The following CCNB1 variants were observed in gnomAD, a reference collection of about 807,000 sequenced individuals.
CCNB1 encodes cyclin B1.
A neutral mutation model predicts 44.4 loss-of-function variants in CCNB1; 26 were observed. The ratio of observed to expected loss-of-function variants is 0.59; its 90% confidence interval spans 0.43 to 0.81. The LOEUF is 0.81. CCNB1 is among the 40% of genes least tolerant of loss of function. The pLI is 0.00. For synonymous variants in CCNB1, 195 were observed against 181.4 expected, an observed-to-expected ratio of 1.08 and a Z score of -0.60; for missense variants, 477 against 520.9, an observed-to-expected ratio of 0.92 and a Z score of 0.82.
Position 69,168,067 on chromosome 5 carries a change from C to T in CCNB1, c.181C>T (p.Pro61Ser), listed in dbSNP as rs776004787. ...KVSEQLQAKM[P>S]MKKEAKPSAT... ...CAGTGAACAACTGCAGGCCAAAATG[C>T]CTATGAAGAAGGTAACTCTCTTCCT... The change falls in exon 2 of 9, where the codon CCT becomes TCT. Residue 61 changes from proline (P) to serine (S), a missense_variant. Physicochemically the swap from Pro to Ser is moderately conservative, Grantham distance 74. Transcript: ENST00000256442. 6.2e-7 allele frequency: 1 copy of T among 1,613,428 alleles called. No individual in the cohort carries two copies.
intron 3 of CCNB1, among the ~76,000 whole-genome samples, chr5:69,168,690 G>A (rs1268428395): frequency 1.3e-5 from 2 of 152,194 alleles, no homozygotes; most frequent in South Asian, 2.1e-4. Flanking sequence ...ATATTAAGTA[G>A]TAGCTGTCTG....
chr5:69,169,075 G>GA, intron 3 of CCNB1, among the ~76,000 whole-genome samples: 1 of 151,982 alleles, frequency 6.6e-6, no homozygotes, highest in Admixed American at 6.6e-5. Flanking sequence ...AAAATTATCT[G>GA]AAAAAAACTT....
chr5:69,174,219 T>G (rs559326652), intron 4 of CCNB1, 32 bp from the exon 5 acceptor site: 1 of 1,608,504 alleles, frequency 6.2e-7, no homozygotes, highest in African/African-American at 1.3e-5. Context: ...TGGAGTCATG[T>G]TTCTAAGAAT....
chr5:69,177,381 G>T, intron 8 of CCNB1, 32 bp downstream of exon 8: 1 of 1,444,126 alleles, frequency 6.9e-7, no homozygotes, highest in South Asian at 1.2e-5. Flanking sequence ...GTAAGATGCT[G>T]AAAAGTGTAA....
chr5:69,176,005 A>ATATC (rs1248880083), intron 7 of CCNB1, among the ~76,000 whole-genome samples: 1 of 144,136 alleles, frequency 6.9e-6, no homozygotes, highest in Non-Finnish European at 1.5e-5. Flanking sequence ...ATATATATAT[A>ATATC]TATATATATA....
At chr5:69,170,950 CTT>C (rs1419853525) in intron 3 of CCNB1, among the ~76,000 whole-genome samples, 1 of 151,940 alleles carries the variant, frequency 6.6e-6, no homozygotes, top group Non-Finnish European at 1.5e-5. Flanking sequence ...TAAATGATCA[CTT>C]TTTTCTTTTT....
At chr5:69,167,794 C>A (rs1747368144) in intron 1 of CCNB1, 114 bp from the exon 2 acceptor site, 1 of 931,202 alleles carries the variant, frequency 1.1e-6, no homozygotes, top group East Asian at 2.5e-5. Context: ...CCCTCGGAAC[C>A]CATTTTTAGT....
Position 69,174,389 on chromosome 5 carries a change from A to G in CCNB1, c.685A>G (p.Ile229Val), listed in dbSNP as rs752928220. 1.2e-6 allele frequency: 2 copies of G among 1,614,120 alleles called. No individual in the cohort carries two copies. Among genetic ancestry groups the G allele is most frequent in the Non-Finnish European group, 8.5e-7 (1 of 1,179,988 alleles). ...LQETMYMTVS[I>V]IDRFMQNNCV... ...GGAGACCATGTACATGACTGTCTCC[A>G]TTATTGATCGGTTCATGCAGGTGAG... The change falls in exon 5 of 9, where the codon ATT becomes GTT. Residue 229 changes from isoleucine (I) to valine (V), a missense_variant. Ile to Val is a conservative substitution (Grantham distance 29). Transcript: ENST00000256442.
chr5:69,175,607 A>G, intron 7 of CCNB1, 70 bp downstream of exon 7: 1 of 1,434,316 alleles, frequency 7.0e-7, no homozygotes, highest in Non-Finnish European at 9.6e-7. Context: ...AACTTTTGTT[A>G]TTAAAAGGCA....
intron 4 of CCNB1, among the ~76,000 whole-genome samples, chr5:69,172,778 T>C (rs1220409846): frequency 6.8e-6 from 1 of 146,328 alleles, no homozygotes; most frequent in Non-Finnish European, 1.5e-5. Flanking sequence ...TCTTTTTTTT[T>C]TTTTTTTTTT....
chr5:69,176,330 TCTC>T lies in CCNB1; in HGVS notation c.1083+796_1083+798del, dbSNP rs536310990. On this transcript the variant is annotated intron_variant, in intron 7 of 8. Coordinates refer to ENST00000256442, the MANE Select transcript of CCNB1 (RefSeq NM_031966.4). ...CATATTCATTGATTCAACAAATGCT[TCTC>T]CTATGTGACAGGCACTACCCTAGGT... Among the ~76,000 whole-genome samples the T allele has an allele frequency of 1.4e-3, 210 of 151,784 alleles. 1 individual carries two copies. The highest frequency in any genetic ancestry group is 5.0e-3 in the African/African-American group (207 of 41,504).
rs1184840145 is a variant in CCNB1, at chr5:69,167,995, C to G, written c.109C>G (p.Pro37Ala). The G allele has an allele frequency of 1.2e-6, 2 of 1,614,204 alleles. No homozygotes were observed. Among genetic ancestry groups the G allele is most frequent in the Admixed American group, 3.3e-5 (2 of 60,018 alleles). The change falls in exon 2 of 9, where the codon CCC (proline) becomes GCC (alanine). Residue 37 changes from proline (P) to alanine (A), a missense_variant. Transcript: ENST00000256442. ...TACGGCCCCTGCTGCAACCTCCAAG[C>G]CCGGACTGAGGCCAAGAACAGCTCT... ...VPTAPAATSK[P>A]GLRPRTALGD...
intron 1 of CCNB1, 46 bp from the exon 2 acceptor site, chr5:69,167,862 T>A: frequency 6.5e-7 from 1 of 1,539,346 alleles, no homozygotes; most frequent in Non-Finnish European, 8.8e-7. Context: ...CTTGACTTAC[T>A]CGAGCCTTCG....
chr5:69,169,644 C>T (rs13175606), intron 3 of CCNB1, among the ~76,000 whole-genome samples: 84,508 of 151,662 alleles, frequency 0.56, 23,676 homozygotes, highest in South Asian at 0.64. Flanking sequence ...ACCCCCTGTT[C>T]CTAGAATCAG....
intron 1 of CCNB1, 44 bp downstream of exon 1, chr5:69,167,327 C>CT (rs1353905239): frequency 6.3e-7 from 1 of 1,599,680 alleles, no homozygotes; most frequent in African/African-American, 1.3e-5. Flanking sequence ...TTCTTAGCTG[C>CT]TGCCTGCTCT....
chr5:69,174,460 A>C lies in CCNB1; in HGVS notation c.705+51A>C, dbSNP rs966597903. 4.4e-6 allele frequency: 7 copies of C among 1,575,794 alleles called. 1 individual carries two copies. The highest frequency in any genetic ancestry group is 2.2e-5 in the East Asian group (1 of 44,726). The stretch of plus-strand genomic sequence containing the variant: ...CTTCCAGGATTCTAGCCGAGTCATA[A>C]GAAACTGATGTTTTCAGGCCAGTCT... On this transcript the variant is annotated intron_variant, in intron 5 of 8. Transcript: ENST00000256442.
In CCNB1 at chr5:69,167,763, A is replaced by G. The variant is rs1747367323; in HGVS notation, c.22-145A>G. 4 of 667,392 alleles carry G rather than the reference A, an allele frequency of 6.0e-6. No individual in the cohort carries two copies. In the South Asian group the frequency reaches 8.0e-5, roughly 13 times the overall value. 41.3% of individuals were successfully genotyped at this position (667,392 alleles called of 1,614,324 possible). ...AACTGACTTGTCACGGCCGCAGAGTAGACTCTGGGACCCATGTTTTCCCTC... is the reference window on the plus strand; with the variant it reads ...AACTGACTTGTCACGGCCGCAGAGTGGACTCTGGGACCCATGTTTTCCCTC... On this transcript the variant is annotated intron_variant, in intron 1 of 8. Coordinates refer to ENST00000256442, the MANE Select transcript of CCNB1 (RefSeq NM_031966.4).
rs576200116 is a variant in CCNB1, at chr5:69,177,334, A to C, written c.1179A>C (p.Gly393=). The C allele has an allele frequency of 6.2e-7, 1 of 1,607,554 alleles. No homozygotes were observed. Among genetic ancestry groups the C allele is most frequent in the African/African-American group, 1.3e-5 (1 of 74,930 alleles). ...AGAATGTAGTCATGGTAAATCAAGG[A>C]CTTACAAAGCACATGGTGAGTCAAT... ...LAKNVVMVNQ[G]LTKHMTVKNK... The change falls in exon 8 of 9, where the codon GGA becomes GGC. Residue 393 remains glycine (G), a synonymous_variant. Coordinates refer to ENST00000256442, the MANE Select transcript of CCNB1 (RefSeq NM_031966.4).
rs68140968 is a variant in CCNB1, at chr5:69,175,982, AATATAT to A, written c.1083+473_1083+478del. On this transcript the variant is annotated intron_variant, in intron 7 of 8. Transcript: ENST00000256442. ...CCTCATCTTTACAAAAAATATATAA[AATATAT>A]ATATATATATATATATATATATATA... 5.1e-3 allele frequency among the ~76,000 whole-genome samples: 590 copies of A among 116,392 alleles called. 9 individuals carry two copies. Among genetic ancestry groups the A allele is most frequent in the African/African-American group, 0.017 (509 of 29,272 alleles). 76.4% of individuals were successfully genotyped at this position (116,392 alleles called of 152,430 possible).
Sources: gnomAD v4.1 joint callset for allele counts (sites outside exome capture counted in the v4.1 genomes callset) on GRCh38, gnomAD v4.1.1 for gene constraint, MANE v1.5 for transcripts, NCBI Gene and HGNC (gene_info 2026-07-23, HGNC 2026-07-21) for gene names.